The following SLC15A5 variants were observed in gnomAD, a reference collection of about 807,000 sequenced individuals.
SLC15A5 encodes the protein Peptide/histidine transporter ENSP00000340402.
SLC15A5 carries 58 observed loss-of-function variants against 56.1 expected under a neutral mutation model. That is an observed-to-expected ratio of 1.03 (90% CI 0.84 to 1.29). The LOEUF is 1.29. Ranked by LOEUF, SLC15A5 falls within the 50% of genes most tolerant of loss-of-function variation. The pLI is 0.00. For synonymous variants in SLC15A5, 264 were observed against 250.5 expected (o/e 1.05, Z -0.51); for missense variants, 681 against 672.1 (o/e 1.01, Z -0.15).
At position 16,189,100 on chromosome 12, in the gene SLC15A5, A is replaced by G. The variant is rs1033798708; in HGVS notation, c.*568T>C. On this transcript the variant is annotated 3_prime_UTR_variant, in exon 9 of 9. Coordinates refer to ENST00000344941, the MANE Select transcript of SLC15A5 (RefSeq NM_001170798.1). Reference sequence around the variant, plus strand: ...GACATTCTCTTTGTTAAGGACATCTATTTTAGTAATACTGCTTTTAAATTC... The same window carrying G: ...GACATTCTCTTTGTTAAGGACATCTGTTTTAGTAATACTGCTTTTAAATTC... 5.3e-5 allele frequency: 8 copies of G among 152,136 alleles called. No homozygotes were observed. The highest frequency in any genetic ancestry group is 7.4e-5 in the Non-Finnish European group (5 of 68,010). 9.4% of individuals were successfully genotyped at this position (152,136 alleles called of 1,614,324 possible).
chr12:16,215,147 G>A (rs1238171203), intron 7 of SLC15A5, among the ~76,000 whole-genome samples: 1 of 147,254 alleles, frequency 6.8e-6, no homozygotes, highest in Non-Finnish European at 1.5e-5. Context: ...AGGTTGCAGT[G>A]GGCCGAGATC....
At chr12:16,203,445 C>T (rs1863982785) in intron 7 of SLC15A5, among the ~76,000 whole-genome samples, 1 of 152,006 alleles carries the variant, frequency 6.6e-6, no homozygotes, top group South Asian at 2.1e-4. Flanking sequence ...ACTAAATGCA[C>T]CCTAATGATA....
chr12:16,277,376 A>C lies in SLC15A5; in HGVS notation c.310T>G (p.Tyr104Asp). Residue 104 changes from tyrosine to aspartate, a missense_variant, in exon 1 of 9, where the codon TAT becomes GAT. Physicochemically the swap from Tyr to Asp is radical, Grantham distance 160. Coordinates refer to ENST00000344941, the MANE Select transcript of SLC15A5 (RefSeq NM_001170798.1). ...TACACCAGTTTGTTTCTTCCTAAAT[A>C]GACATCAGTGAGCCATCTGACAAAC... ...PVFVRWLTDV[Y>D]LGRNKLVYIC... is the part of the protein sequence containing the mutation. The C allele has an allele frequency of 6.5e-7, 1 of 1,536,152 alleles. No homozygotes were observed. Among genetic ancestry groups the C allele is most frequent in the Non-Finnish European group, 8.7e-7 (1 of 1,146,192 alleles).
chr12:16,223,342 A>G (rs1358201827), intron 6 of SLC15A5, among the ~76,000 whole-genome samples: 1 of 152,174 alleles, frequency 6.6e-6, no homozygotes, highest in African/African-American at 2.4e-5. Context: ...ATAAAATATA[A>G]TGGGAGCTTG....
At position 16,237,339 on chromosome 12, in the gene SLC15A5, T is replaced by C. The variant is rs1469729986; in HGVS notation, c.1162+2342A>G. Among the ~76,000 whole-genome samples the C allele has an allele frequency of 6.6e-6, 1 of 152,172 alleles. No homozygotes were observed. The highest frequency in any genetic ancestry group is 2.4e-5 in the African/African-American group (1 of 41,450). On this transcript the variant is annotated intron_variant, in intron 5 of 8. Transcript: ENST00000344941. The surrounding 1 kb of genome is among the most constrained non-coding windows in gnomAD (Gnocchi z 4.1). ...TAGCAAAACGTTATGCAAATAAACG[T>C]ACAAGTATGCAAATCAATGAATGAA...
intron 7 of SLC15A5, 134 bp downstream of exon 7, chr12:16,216,759 A>T: frequency 1.3e-6 from 1 of 754,120 alleles, no homozygotes; most frequent in Non-Finnish European, 2.0e-6. Context: ...TTCCTATCTT[A>T]ATTCTATCTT....
In SLC15A5 at chr12:16,243,086, C is replaced by G. The variant is rs902568515; in HGVS notation, c.975+1494G>C. ...ACATATGGGTTCCGTGGCAATTACT[C>G]AACTCTGCTATTTTTGTGCATAAGC... On this transcript the variant is annotated intron_variant, in intron 4 of 8. Transcript: ENST00000344941. This position sits in a 1 kb window ranked among gnomAD's most constrained non-coding sequence, Gnocchi z 4.4. 6.6e-6 allele frequency among the ~76,000 whole-genome samples: 1 copy of G among 152,108 alleles called. No homozygotes were observed. The highest frequency in any genetic ancestry group is 1.5e-5 in the Non-Finnish European group (1 of 68,022).
Position 16,257,855 on chromosome 12 carries a change from C to T in SLC15A5, c.600G>A (p.Met200Ile). ...MSFFNWFYWL[M>I]NLNATIVFLG... ...GAAACACAATAGTTGCATTTAGGTT[C>T]ATGAGCCAATAAAACCTGGGGTATA... The change falls in exon 3 of 9, where the codon ATG becomes ATA. Residue 200 changes from methionine (M) to isoleucine (I), a missense_variant. Transcript: ENST00000344941. The T allele has an allele frequency of 6.7e-7, 1 of 1,493,918 alleles. No individual in the cohort carries two copies. The highest frequency in any genetic ancestry group is 8.8e-7 in the Non-Finnish European group (1 of 1,131,854). The allele number at this position is 1,493,918 out of a possible 1,614,324, so 92.5% of individuals were successfully genotyped here. A position where few individuals can be genotyped will look rare whatever the true frequency, so the allele number is the denominator to read the frequency against.
intron 2 of SLC15A5, among the ~76,000 whole-genome samples, chr12:16,262,531 G>A (rs61916969): frequency 0.021 from 3,246 of 152,302 alleles, 58 homozygotes; most frequent in Admixed American, 0.032. Context: ...AACATTAAAT[G>A]AAGAACATGG....
rs908499920 is a variant in SLC15A5 at position 16,235,090 on chromosome 12, G to C, written c.1162+4591C>G. ...AGTGTTCATGAACTACTCTCATAAA[G>C]ACAGCTATAATTTTATTGTCTTATG... On this transcript the variant is annotated intron_variant, in intron 5 of 8. Coordinates refer to ENST00000344941, the MANE Select transcript of SLC15A5 (RefSeq NM_001170798.1). This position sits in a 1 kb window ranked among gnomAD's most constrained non-coding sequence, Gnocchi z 4.1. Among the ~76,000 whole-genome samples the C allele has an allele frequency of 7.2e-5, 11 of 151,868 alleles. No individual in the cohort carries two copies. Among genetic ancestry groups the C allele is most frequent in the Non-Finnish European group, 1.5e-4 (10 of 67,910 alleles).
At chr12:16,212,833 G>A (rs1864096447) in intron 7 of SLC15A5, among the ~76,000 whole-genome samples, 1 of 152,086 alleles carries the variant, frequency 6.6e-6, no homozygotes, top group Admixed American at 6.6e-5. Context: ...TTTCAAAAAT[G>A]TCTATTACTT....
At chr12:16,247,953 G>T (rs1864478675) in intron 3 of SLC15A5, among the ~76,000 whole-genome samples, 1 of 152,136 alleles carries the variant, frequency 6.6e-6, no homozygotes. Context: ...AGATAGTGGT[G>T]ACCCAGACTA....
intron 1 of SLC15A5, among the ~76,000 whole-genome samples, chr12:16,274,107 T>C (rs1271882374): frequency 6.6e-6 from 1 of 151,986 alleles, no homozygotes; most frequent in Non-Finnish European, 1.5e-5. Flanking sequence ...CTAATCATAA[T>C]GTGTTTTAAA....
At chr12:16,198,197 A>C (rs1056635787) in intron 7 of SLC15A5, among the ~76,000 whole-genome samples, 1 of 152,192 alleles carries the variant, frequency 6.6e-6, no homozygotes, top group East Asian at 1.9e-4. Flanking sequence ...AATTCCTCCA[A>C]ATATCTCTTG....
rs76867238 is a variant in SLC15A5 at position 16,193,059 on chromosome 12, A to G, written c.1592+1286T>C. On this transcript the variant is annotated intron_variant, in intron 8 of 8. Transcript: ENST00000344941. ...CAAAATAAAAATTGAGAGATGGTGC[A>G]GGTTTTTGAGAATTGCTGGGTGAGC... Among the ~76,000 whole-genome samples, 1,490 of 152,166 alleles carry G rather than the reference A, an allele frequency of 9.8e-3. 21 individuals carry two copies. Among genetic ancestry groups the G allele is most frequent in the African/African-American group, 0.034 (1,426 of 41,532 alleles).
At chr12:16,229,668 A>ACACC (rs1302519168) in intron 5 of SLC15A5, among the ~76,000 whole-genome samples, 1 of 151,794 alleles carries the variant, frequency 6.6e-6, no homozygotes, top group Non-Finnish European at 1.5e-5. Context: ...ACACACACAC[A>ACACC]CACACACACA....
chr12:16,229,998 G>A (rs1328557499), intron 5 of SLC15A5, among the ~76,000 whole-genome samples: 1 of 152,078 alleles, frequency 6.6e-6, no homozygotes, highest in Non-Finnish European at 1.5e-5. Flanking sequence ...TGTTTGTATA[G>A]ATGGAAGAGG....
chr12:16,199,552 A>G (rs954012596), intron 7 of SLC15A5, among the ~76,000 whole-genome samples: 1 of 152,076 alleles, frequency 6.6e-6, no homozygotes, highest in African/African-American at 2.4e-5. Flanking sequence ...CCGTATCACT[A>G]CTCAGAACCA....
At chr12:16,232,809 G>A (rs1175945016) in intron 5 of SLC15A5, among the ~76,000 whole-genome samples, 1 of 151,984 alleles carries the variant, frequency 6.6e-6, no homozygotes, top group African/African-American at 2.4e-5. Context: ...CCAGCTACTC[G>A]GGAGGCTGAG....
Sources: allele counts gnomAD v4.1 joint callset (sites outside exome capture counted in the v4.1 genomes callset), GRCh38; gene constraint gnomAD v4.1.1; non-coding constraint Gnocchi (gnomAD v3.1); transcripts MANE v1.5; gene names NCBI Gene and HGNC (gene_info 2026-07-23, HGNC 2026-07-21).